Variants in TRMT10B observed in about 807,000 individuals in gnomAD.
The protein encoded by TRMT10B is tRNA methyltransferase 10 homolog B.
TRMT10B carries 33 observed loss-of-function variants against 43.8 expected under a neutral mutation model. The observed-to-expected ratio is 0.75, with a 90% CI of 0.57 to 1.01. The LOEUF is 1.01. Ranked by LOEUF, TRMT10B falls within the 50% of genes least tolerant of loss-of-function variation. The pLI, the probability that TRMT10B is intolerant of heterozygous loss-of-function variation, is 0.00. For missense variants in TRMT10B, 362 were observed against 369.8 expected (o/e 0.98, Z 0.17); for synonymous variants, 137 against 130.6 (o/e 1.05, Z -0.34).
chr9:37,759,703 G>A (rs1267273571), intron 1 of TRMT10B, among the ~76,000 whole-genome samples: 3 of 152,140 alleles, frequency 2.0e-5, no homozygotes, highest in Admixed American at 6.5e-5. Context: ...TGTAGTCCCA[G>A]AAACTTAAGA....
intron 1 of TRMT10B, among the ~76,000 whole-genome samples, chr9:37,754,632 TAGAC>T (rs1263437372): frequency 2.0e-5 from 3 of 151,656 alleles, no homozygotes; most frequent in African/African-American, 7.3e-5. Context: ...GGGAAACAGG[TAGAC>T]AGCTGTCATG....
At chr9:37,767,831 A>AT (rs775019815) in intron 4 of TRMT10B, among the ~76,000 whole-genome samples, 1 of 152,176 alleles carries the variant, frequency 6.6e-6, no homozygotes, top group African/African-American at 2.4e-5. Context: ...TATATTAAAC[A>AT]TTTAACAGCA....
intron 7 of TRMT10B, among the ~76,000 whole-genome samples, chr9:37,775,411 A>T (rs1828031365): frequency 6.6e-6 from 1 of 152,220 alleles, no homozygotes; most frequent in South Asian, 2.1e-4. Flanking sequence ...GTCATGACTC[A>T]GTCTGAGGGA....
Position 37,753,833 on chromosome 9 carries a change from C to CGT in TRMT10B, c.-47_-46dup, listed in dbSNP as rs2118607844. The CGT allele has an allele frequency of 6.6e-6, 1 of 151,776 alleles. No individual in the cohort carries two copies. The highest frequency in any genetic ancestry group is 1.9e-4 in the East Asian group (1 of 5,172). The allele number at this position is 151,776 out of a possible 1,614,324, so 9.4% of individuals were successfully genotyped here. A position where few individuals can be genotyped will look rare whatever the true frequency, so the allele number is the denominator to read the frequency against. On this transcript the variant is annotated 5_prime_UTR_variant, in exon 1 of 9. The change abolishes the stop of an existing upstream ORF in the 5' untranslated region. Transcript: ENST00000297994. Reference sequence around the variant, plus strand: ...GATCCGATGCGCGCCGCTGCCGCTGCGTGGGGGTGAGGGGATCAGGTACGC... The same window carrying CGT: ...GATCCGATGCGCGCCGCTGCCGCTGCGTGTGGGGGTGAGGGGATCAGGTACGC...
upstream of TRMT10B, among the ~76,000 whole-genome samples, chr9:37,752,992 C>G (rs1022949502): frequency 6.6e-6 from 1 of 152,144 alleles, no homozygotes; most frequent in Admixed American, 6.5e-5. Flanking sequence ...TCCCTACTGT[C>G]TTTGTGAGCT....
chr9:37,763,992 A>G (rs1826704714), intron 4 of TRMT10B: 1 of 548,284 alleles, frequency 1.8e-6, no homozygotes, highest in Non-Finnish European at 3.0e-6. Flanking sequence ...TTTTAAGCCC[A>G]ACATCTTTGC....
intron 7 of TRMT10B, 112 bp downstream of exon 7, chr9:37,770,851 G>T: frequency 8.9e-7 from 1 of 1,126,450 alleles, no homozygotes; most frequent in Non-Finnish European, 1.2e-6. Flanking sequence ...GAGGGAACAG[G>T]AAGAAAGAGC....
At chr9:37,767,864 C>T (rs990954432) in intron 4 of TRMT10B, among the ~76,000 whole-genome samples, 1 of 152,144 alleles carries the variant, frequency 6.6e-6, no homozygotes, top group Non-Finnish European at 1.5e-5. Context: ...GGGCGAATTC[C>T]GTTTTCCACT....
Position 37,762,690 on chromosome 9 carries a change from C to A in TRMT10B, c.295+5C>A, listed in dbSNP as rs759379874. ...CCAATCGTGCAGAAAATCCAGGTGACAATAAATGAGACTGTTGGTATAATA... is the reference window on the plus strand; with the variant it reads ...CCAATCGTGCAGAAAATCCAGGTGAAAATAAATGAGACTGTTGGTATAATA... On this transcript the variant is annotated splice_donor_5th_base_variant and intron_variant, in intron 3 of 8. Transcript: ENST00000297994. 6.4e-7 allele frequency: 1 copy of A among 1,572,872 alleles called. No individual in the cohort carries two copies. Among genetic ancestry groups the A allele is most frequent in the Admixed American group, 1.9e-5 (1 of 53,526 alleles).
chr9:37,756,723 AAGAT>A (rs1159651272), intron 1 of TRMT10B, among the ~76,000 whole-genome samples: 1 of 145,632 alleles, frequency 6.9e-6, no homozygotes, highest in Non-Finnish European at 1.5e-5. Flanking sequence ...TCATCTCAAA[AAGAT>A]ATATATATAT....
intron 7 of TRMT10B, among the ~76,000 whole-genome samples, chr9:37,775,982 T>A (rs1828097127): frequency 6.6e-6 from 1 of 152,254 alleles, no homozygotes; most frequent in South Asian, 2.1e-4. Context: ...CTTACTGAGT[T>A]AGGGCTCAGA....
At chr9:37,770,596 T>A in intron 6 of TRMT10B, 76 bp from the exon 7 acceptor site, 5 of 1,303,246 alleles carry the variant, frequency 3.8e-6, no homozygotes, top group Non-Finnish European at 5.4e-6. Flanking sequence ...TTGTTAATAA[T>A]TCTTTCATTT....
rs1828377735 is a variant in TRMT10B at position 37,778,083 on chromosome 9, A to G, written c.*376A>G. 5.5e-6 allele frequency: 1 copy of G among 183,104 alleles called. No individual in the cohort carries two copies. Among genetic ancestry groups the G allele is most frequent in the African/African-American group, 2.4e-5 (1 of 41,934 alleles). The allele number at this position is 183,104 out of a possible 1,614,324, so 11.3% of individuals were successfully genotyped here. A position where few individuals can be genotyped will look rare whatever the true frequency, so the allele number is the denominator to read the frequency against. ...TACCTTGACCCAAAGAGCAGGGCAG[A>G]GGGTGGCAGTGGCACATAGGCAAGT... On this transcript the variant is annotated 3_prime_UTR_variant, in exon 9 of 9. Coordinates refer to ENST00000297994, the MANE Select transcript of TRMT10B (RefSeq NM_144964.4).
At chr9:37,755,188 G>C (rs907642033) in intron 1 of TRMT10B, among the ~76,000 whole-genome samples, 10 of 151,688 alleles carry the variant, frequency 6.6e-5, no homozygotes, top group African/African-American at 2.4e-4. Flanking sequence ...AGGAGAATGC[G>C]TGAACCTGGG....
chr9:37,769,308 TAAAAAAAAAAAAAAAAAA>T lies in TRMT10B; in HGVS notation c.574-617_574-600del, dbSNP rs57651814. On this transcript the variant is annotated intron_variant, in intron 5 of 8. Transcript: ENST00000297994. ...GGGTGACAGAGCCAGACCCTGTCTT[TAAAAAAAAAAAAAAAAAA>T]AAAAAAAAAAAAAAATCTCCTTTCA... is the stretch of plus-strand genomic sequence containing the variant. Among the ~76,000 whole-genome samples, 68 of 60,728 alleles carry T rather than the reference TAAAAAAAAAAAAAAAAAA, an allele frequency of 1.1e-3. 1 individual carries two copies. Among genetic ancestry groups the T allele is most frequent in the African/African-American group, 4.6e-3 (62 of 13,338 alleles). The allele number at this position is 60,728 out of a possible 152,430, so 39.8% of individuals were successfully genotyped here.
intron 1 of TRMT10B, among the ~76,000 whole-genome samples, chr9:37,760,734 GTTT>G (rs200640852): frequency 2.0e-5 from 3 of 151,424 alleles, no homozygotes; most frequent in Non-Finnish European, 2.9e-5. Context: ...TTTCATTGTA[GTTT>G]TTTTTTAACA....
intron 8 of TRMT10B, among the ~76,000 whole-genome samples, chr9:37,777,097 G>C (rs1388634473): frequency 2.1e-5 from 3 of 144,882 alleles, no homozygotes; most frequent in Non-Finnish European, 4.5e-5. Flanking sequence ...TGGAGGCTGA[G>C]GCAAGAGAAT....
In TRMT10B at chr9:37,776,359, C is replaced by A. The variant is rs747948921; in HGVS notation, c.798C>A (p.Asn266Lys). 9 of 1,612,328 alleles carry A rather than the reference C, an allele frequency of 5.6e-6. No individual in the cohort carries two copies. The highest frequency in any genetic ancestry group is 1.3e-5 in the African/African-American group (1 of 74,850). Reference protein sequence around the residue: ...RLPIQEYMVRNQNGKNYHSEI... With the variant: ...RLPIQEYMVRKQNGKNYHSEI... ...CAATCCAGGAATACATGGTCAGAAA[C>A]CAGAATGGGAAAAACTATCATTCAG... is the stretch of plus-strand genomic sequence containing the variant. The change falls in exon 8 of 9, where the codon AAC (asparagine) becomes AAA (lysine). Residue 266 changes from asparagine to lysine, a missense_variant. Physicochemically the swap from Asn to Lys is moderately conservative, Grantham distance 94. Coordinates refer to ENST00000297994, the MANE Select transcript of TRMT10B (RefSeq NM_144964.4).
upstream of TRMT10B, among the ~76,000 whole-genome samples, chr9:37,752,908 CG>C (rs1825063714): frequency 6.6e-6 from 1 of 152,172 alleles, no homozygotes; most frequent in Non-Finnish European, 1.5e-5. Flanking sequence ...AGCGGCAACC[CG>C]TTGGGGTTGC....
Sources: allele counts gnomAD v4.1 joint callset (sites outside exome capture counted in the v4.1 genomes callset), GRCh38; gene constraint gnomAD v4.1.1; transcripts MANE v1.5; gene names NCBI Gene and HGNC (gene_info 2026-07-23, HGNC 2026-07-21).